ADGB: variants seen among roughly 807,000 people sequenced by gnomAD.
The protein encoded by ADGB is calpain-7-like protein.
Under a neutral mutation model 210.5 loss-of-function variants are expected in ADGB, and 172 were observed. That is an observed-to-expected ratio of 0.82 (90% CI 0.72 to 0.93). ADGB has a LOEUF of 0.93. Ranked by LOEUF, ADGB falls within the 40% of genes least tolerant of loss-of-function variation. ADGB has a pLI of 0.00. For missense variants in ADGB, 2,025 were observed against 1,964.8 expected, an observed-to-expected ratio of 1.03 and a Z score of -0.58; for synonymous variants, 658 against 662.7, an observed-to-expected ratio of 0.99 and a Z score of 0.11.
chr6:146,691,287 C>A lies in ADGB; in HGVS notation c.1483C>A (p.Gln495Lys). ...KKETVITDEA[Q>K]ELIVKKPERF... ...GGAAACTGTTATAACAGATGAAGCT[C>A]AAGGTATGTATCACATCATCTTCAA... is the stretch of plus-strand genomic sequence containing the variant. Residue 495 changes from glutamine (Q) to lysine (K), a missense_variant, in exon 11 of 36, where the codon CAA becomes AAA. Coordinates refer to ENST00000397944, the MANE Select transcript of ADGB (RefSeq NM_024694.4). 6.5e-7 allele frequency: 1 copy of A among 1,542,440 alleles called. No individual in the cohort carries two copies. Among genetic ancestry groups the A allele is most frequent in the South Asian group, 1.2e-5 (1 of 83,346 alleles).
Position 146,608,220 on chromosome 6 carries a change from T to G in ADGB, c.74+9106T>G, listed in dbSNP as rs115607675. Among the ~76,000 whole-genome samples, 1,090 of 151,178 alleles carry G rather than the reference T, an allele frequency of 7.2e-3. 11 individuals are homozygous for G. The highest frequency in any genetic ancestry group is 0.051 in the East Asian group (266 of 5,172). ...TGTAATAGTCTCTGAGGTTTTGTGGTTTTTTTTTGTATTTCTGCAGAGCCA... is the reference window on the plus strand; with the variant it reads ...TGTAATAGTCTCTGAGGTTTTGTGGGTTTTTTTTGTATTTCTGCAGAGCCA... On this transcript the variant is annotated intron_variant, in intron 1 of 35. Coordinates refer to ENST00000397944, the MANE Select transcript of ADGB (RefSeq NM_024694.4).
intron 1 of ADGB, among the ~76,000 whole-genome samples, chr6:146,608,548 G>C (rs1316829272): frequency 2.6e-5 from 4 of 152,146 alleles, no homozygotes; most frequent in Non-Finnish European, 2.9e-5. Context: ...CTTTAGCAGT[G>C]TCCCAGAGAG....
At position 146,654,159 on chromosome 6, in the gene ADGB, A is replaced by C; in HGVS notation, c.355A>C (p.Ile119Leu). ...GACTCCAGTAGTTGTGAAAAATGAAATCACGTTTGACTTATTTTCAGCAAA... is the reference window on the plus strand; with the variant it reads ...GACTCCAGTAGTTGTGAAAAATGAACTCACGTTTGACTTATTTTCAGCAAA... ...SQTPVVVKNE[I>L]TFDLFSANEH... Residue 119 changes from isoleucine to leucine, a missense_variant, in exon 4 of 36, where the codon ATC becomes CTC. By Grantham distance (5) the Ile-to-Leu change is conservative (BLOSUM62 2). Transcript: ENST00000397944. 6.5e-7 allele frequency: 1 copy of C among 1,543,100 alleles called. No individual in the cohort carries two copies. The highest frequency in any genetic ancestry group is 8.8e-7 in the Non-Finnish European group (1 of 1,141,004).
chr6:146,794,708 C>T (rs1156515235), intron 33 of ADGB, among the ~76,000 whole-genome samples: 1 of 151,802 alleles, frequency 6.6e-6, no homozygotes, highest in Non-Finnish European at 1.5e-5. Flanking sequence ...CAAGAAGCAA[C>T]AATAAACTAG....
chr6:146,697,806 C>G (rs1419995949), intron 12 of ADGB, among the ~76,000 whole-genome samples: 1 of 152,030 alleles, frequency 6.6e-6, no homozygotes, highest in East Asian at 1.9e-4. Flanking sequence ...CCTAAAAAGA[C>G]TAAGTAATAT....
At chr6:146,678,843 G>A (rs1222296545) in intron 9 of ADGB, among the ~76,000 whole-genome samples, 2 of 152,094 alleles carry the variant, frequency 1.3e-5, no homozygotes, top group Non-Finnish European at 2.9e-5. Flanking sequence ...AGGTACACTA[G>A]CTGGTATGAC....
At chr6:146,679,169 G>A (rs865839595) in intron 9 of ADGB, among the ~76,000 whole-genome samples, 21 of 152,266 alleles carry the variant, frequency 1.4e-4, no homozygotes, top group African/African-American at 3.4e-4. Context: ...GGAATGTGAC[G>A]TGCTAAAGAT....
chr6:146,804,587 A>G (rs1402171713), intron 35 of ADGB, among the ~76,000 whole-genome samples: 2 of 152,182 alleles, frequency 1.3e-5, no homozygotes, highest in Non-Finnish European at 2.9e-5. Flanking sequence ...CCCACGTGCG[A>G]TCAATTGTCA....
intron 29 of ADGB, among the ~76,000 whole-genome samples, chr6:146,774,810 A>G (rs1777697921): frequency 6.6e-6 from 1 of 152,140 alleles, no homozygotes; most frequent in African/African-American, 2.4e-5. Flanking sequence ...TCAGTTACTA[A>G]TGTCTTTAAT....
At chr6:146,670,435 G>A (rs537805899) in intron 7 of ADGB, among the ~76,000 whole-genome samples, 25 of 152,146 alleles carry the variant, frequency 1.6e-4, no homozygotes, top group African/African-American at 5.5e-4. Context: ...CTACCTTACG[G>A]TCCTTACATG....
At chr6:146,628,622 C>CA (rs1488850377) in intron 1 of ADGB, among the ~76,000 whole-genome samples, 1 of 151,960 alleles carries the variant, frequency 6.6e-6, no homozygotes, top group African/African-American at 2.4e-5. Context: ...TAGATCTCTG[C>CA]ACCTATTCTG....
chr6:146,599,616 C>A (rs1780523095), intron 1 of ADGB, among the ~76,000 whole-genome samples: 1 of 152,098 alleles, frequency 6.6e-6, no homozygotes. Flanking sequence ...GGCTTCTAAA[C>A]CTTAAAACAT....
chr6:146,719,236 G>A (rs1172105315), intron 16 of ADGB, among the ~76,000 whole-genome samples: 1 of 152,100 alleles, frequency 6.6e-6, no homozygotes, highest in Admixed American at 6.5e-5. Flanking sequence ...AATAAATGTT[G>A]GCTGCCATTT....
chr6:146,656,851 GA>G lies in ADGB; in HGVS notation c.484del (p.Thr162LeufsTer23), dbSNP rs1490897488. ...GAATTTTGAGCAATTATTTTAAGGG[GA>G]CTTCAGGGGAACCTCCTCTTCTCCC... is the stretch of plus-strand genomic sequence containing the variant. ...GGILSNYFKG[T>X]SGEPPLLPWK... On this transcript the variant is annotated frameshift_variant, in exon 5 of 36. Coordinates refer to ENST00000397944, the MANE Select transcript of ADGB (RefSeq NM_024694.4). LOFTEE classifies it high-confidence loss of function. 11 of 1,551,420 alleles carry G rather than the reference GA, an allele frequency of 7.1e-6. No individual in the cohort carries two copies. Among genetic ancestry groups the G allele is most frequent in the Non-Finnish European group, 9.6e-6 (11 of 1,146,752 alleles).
At chr6:146,604,339 A>G (rs1166525982) in intron 1 of ADGB, among the ~76,000 whole-genome samples, 1 of 152,214 alleles carries the variant, frequency 6.6e-6, no homozygotes, top group East Asian at 1.9e-4. Flanking sequence ...AGGGGAAGTG[A>G]TAGCATTGCT....
At chr6:146,630,696 T>C (rs1003610194) in intron 1 of ADGB, among the ~76,000 whole-genome samples, 1 of 152,206 alleles carries the variant, frequency 6.6e-6, no homozygotes, top group Non-Finnish European at 1.5e-5. Context: ...ATACAGTACA[T>C]GGTCTTGTGC....
intron 1 of ADGB, among the ~76,000 whole-genome samples, chr6:146,631,664 C>CA (rs1381784202): frequency 1.3e-5 from 2 of 151,914 alleles, no homozygotes; most frequent in African/African-American, 4.8e-5. Context: ...AGGAAATGAA[C>CA]AAAAAATCCA....
intron 1 of ADGB, among the ~76,000 whole-genome samples, chr6:146,632,632 G>A (rs1484354978): frequency 1.3e-5 from 2 of 152,070 alleles, no homozygotes; most frequent in Admixed American, 1.3e-4. Flanking sequence ...GAGTACCAGG[G>A]CAGAAATACA....
At chr6:146,667,460 A>G (rs1056341758) in intron 7 of ADGB, among the ~76,000 whole-genome samples, 13 of 151,952 alleles carry the variant, frequency 8.6e-5, no homozygotes, top group African/African-American at 2.2e-4. Flanking sequence ...GTAAATCTAT[A>G]TCTTGCTTTT....
Sources: allele counts gnomAD v4.1 joint callset (sites outside exome capture counted in the v4.1 genomes callset), GRCh38; gene constraint gnomAD v4.1.1; transcripts MANE v1.5; gene names NCBI Gene and HGNC (gene_info 2026-07-23, HGNC 2026-07-21).